Variants in WDTC1 observed in about 807,000 individuals in gnomAD.
WDTC1 encodes WD and tetratricopeptide repeats protein 1.
Under a neutral mutation model 76.0 loss-of-function variants are expected in WDTC1, and 12 were observed. That is an observed-to-expected ratio of 0.16 (90% CI 0.10 to 0.26). The LOEUF is 0.26. Among genes scored for constraint, WDTC1 ranks in the 10% least tolerant of loss-of-function variants. The pLI, the probability that WDTC1 is intolerant of heterozygous loss-of-function variation, is 1.00. For missense variants in WDTC1, 511 were observed against 908.8 expected (o/e 0.56, Z 5.63); for synonymous variants, 326 against 350.8 (o/e 0.93, Z 0.79).
intron 1 of WDTC1, among the ~76,000 whole-genome samples, chr1:27,241,890 G>T (rs974140331): frequency 1.8e-4 from 27 of 147,734 alleles, no homozygotes; most frequent in Admixed American, 1.6e-3. Context: ...GTCTCACACT[G>T]TTTTTTTTTG....
chr1:27,255,329 C>T (rs924733890), intron 1 of WDTC1: 1 of 152,072 alleles, frequency 6.6e-6, no homozygotes, highest in Non-Finnish European at 1.5e-5. Context: ...AATCACATGG[C>T]CCTGGGTTTG....
intron 7 of WDTC1, 97 bp from the exon 8 acceptor site, chr1:27,293,925 C>A: frequency 8.5e-7 from 1 of 1,180,284 alleles, no homozygotes; most frequent in Non-Finnish European, 1.2e-6. Flanking sequence ...TCCTGTATGT[C>A]TCAGATACAA....
intron 5 of WDTC1, among the ~76,000 whole-genome samples, chr1:27,285,055 G>C (rs1344531316): frequency 6.9e-6 from 1 of 144,650 alleles, no homozygotes; most frequent in South Asian, 2.2e-4. Context: ...TTTTTTGAGG[G>C]TGAGTCTTAC....
intron 1 of WDTC1, among the ~76,000 whole-genome samples, chr1:27,246,682 C>T (rs2011844927): frequency 6.6e-6 from 1 of 151,926 alleles, no homozygotes; most frequent in Admixed American, 6.6e-5. Flanking sequence ...CTGCCTCAGC[C>T]TCCTGAGTAG....
chr1:27,299,303 G>C (rs1164304374), intron 12 of WDTC1, among the ~76,000 whole-genome samples: 2 of 152,224 alleles, frequency 1.3e-5, no homozygotes, highest in Admixed American at 6.5e-5. Context: ...AGTGGGTAAA[G>C]TGGTGGACAT....
At position 27,255,891 on chromosome 1, in the gene WDTC1, T is replaced by C. The variant is rs79242064; in HGVS notation, c.-99-5065T>C. On this transcript the variant is annotated intron_variant, in intron 1 of 15. Transcript: ENST00000319394. ...GCCAAAACTTTTTGAACCACTCTTC[T>C]TCTGGGGTCTTAGCACTCTCTCCCT... Among the ~76,000 whole-genome samples, 592 of 152,214 alleles carry C rather than the reference T, an allele frequency of 3.9e-3. 5 individuals are homozygous for C. Among genetic ancestry groups the C allele is most frequent in the African/African-American group, 0.014 (569 of 41,534 alleles).
chr1:27,263,131 G>A (rs370310988), intron 2 of WDTC1, 21 bp from the exon 3 acceptor site: 13 of 1,612,316 alleles, frequency 8.1e-6, no homozygotes, highest in Middle Eastern at 1.7e-4. Context: ...ATGAAATCAC[G>A]AATTTGTTTC....
chr1:27,272,113 G>A (rs184587163), intron 3 of WDTC1, among the ~76,000 whole-genome samples: 11 of 151,782 alleles, frequency 7.2e-5, no homozygotes, highest in African/African-American at 2.7e-4. Flanking sequence ...GTGCGAGGTG[G>A]TGCACGCCTG....
intron 5 of WDTC1, among the ~76,000 whole-genome samples, chr1:27,286,521 G>A (rs1486198323): frequency 4.9e-5 from 7 of 143,932 alleles, no homozygotes; most frequent in African/African-American, 1.8e-4. Flanking sequence ...CCAGGCTGGA[G>A]TGCAGTGGCG....
intron 1 of WDTC1, among the ~76,000 whole-genome samples, chr1:27,235,327 G>C (rs142397268): frequency 3.3e-5 from 5 of 152,160 alleles, no homozygotes; most frequent in Non-Finnish European, 7.4e-5. Context: ...TGCTGGGAGG[G>C]CAACGCCGAC....
intron 3 of WDTC1, among the ~76,000 whole-genome samples, chr1:27,269,621 G>GTCTTTTT: frequency 7.9e-6 from 1 of 126,872 alleles, no homozygotes; most frequent in Non-Finnish European, 1.6e-5. Flanking sequence ...TTTTTTTTCG[G>GTCTTTTT]TTTTTTTTTT....
At chr1:27,239,538 AAAG>A (rs1372618017) in intron 1 of WDTC1, among the ~76,000 whole-genome samples, 1 of 150,338 alleles carries the variant, frequency 6.7e-6, no homozygotes, top group Non-Finnish European at 1.5e-5. Flanking sequence ...AAAAAAAAAA[AAAG>A]CCAGTTGTGC....
chr1:27,304,938 C>G, intron 14 of WDTC1, 63 bp from the exon 15 acceptor site: 1 of 1,513,704 alleles, frequency 6.6e-7, no homozygotes, highest in South Asian at 1.3e-5. Context: ...GGCCATGCAG[C>G]CTCTACTTGA....
intron 1 of WDTC1, among the ~76,000 whole-genome samples, chr1:27,253,221 G>A (rs1387442419): frequency 6.6e-6 from 1 of 151,944 alleles, no homozygotes; most frequent in African/African-American, 2.4e-5. Context: ...TGTTAGCCAG[G>A]ATGGTCTTGA....
At chr1:27,264,037 G>T (rs138460556) in intron 3 of WDTC1, among the ~76,000 whole-genome samples, 2 of 151,416 alleles carry the variant, frequency 1.3e-5, no homozygotes, top group African/African-American at 4.9e-5. Flanking sequence ...GCCTGTATTC[G>T]CAGCACTTTG....
At chr1:27,247,856 T>C (rs1188616060) in intron 1 of WDTC1, among the ~76,000 whole-genome samples, 1 of 152,026 alleles carries the variant, frequency 6.6e-6, no homozygotes, top group East Asian at 1.9e-4. Flanking sequence ...GTAGCTGGGA[T>C]TATAGGCACC....
chr1:27,299,439 T>C (rs920550759), intron 12 of WDTC1, among the ~76,000 whole-genome samples: 21 of 151,464 alleles, frequency 1.4e-4, no homozygotes, highest in African/African-American at 4.6e-4. Context: ...ACATGGCGTC[T>C]GAATGGGCTT....
At chr1:27,263,079 G>C in intron 2 of WDTC1, 73 bp from the exon 3 acceptor site, 1 of 1,529,832 alleles carries the variant, frequency 6.5e-7, no homozygotes, top group African/African-American at 1.4e-5. Flanking sequence ...GAAAGAGCTG[G>C]ATATATAATA....
chr1:27,269,386 T>C (rs1479342776), intron 3 of WDTC1, among the ~76,000 whole-genome samples: 1 of 149,706 alleles, frequency 6.7e-6, no homozygotes, highest in Non-Finnish European at 1.5e-5. Flanking sequence ...GGCTAACATA[T>C]GAGTGTGGCA....
Sources: gnomAD v4.1 joint callset for allele counts (sites outside exome capture counted in the v4.1 genomes callset) on GRCh38, gnomAD v4.1.1 for gene constraint, MANE v1.5 for transcripts, NCBI Gene and HGNC (gene_info 2026-07-23, HGNC 2026-07-21) for gene names.